TXLNB: variants seen among roughly 807,000 people sequenced by gnomAD.
TXLNB encodes beta-taxilin.
TXLNB carries 37 observed loss-of-function variants against 57.4 expected under a neutral mutation model. That is an observed-to-expected ratio of 0.64 (90% CI 0.50 to 0.85). TXLNB has a LOEUF of 0.85. Among genes scored for constraint, TXLNB ranks in the 40% least tolerant of loss-of-function variants. TXLNB has a pLI of 0.00. For missense variants in TXLNB, 848 were observed against 825.6 expected, an observed-to-expected ratio of 1.03 and a Z score of -0.33; for synonymous variants, 302 against 309.6, an observed-to-expected ratio of 0.98 and a Z score of 0.26.
the TXLNB span, among the ~76,000 whole-genome samples, chr6:139,315,830 T>C: frequency 6.6e-6 from 1 of 152,194 alleles, no homozygotes; most frequent in Admixed American, 6.5e-5. Flanking sequence ...TACTTTCTTA[T>C]AAATTTAGAA....
the TXLNB span, among the ~76,000 whole-genome samples, chr6:139,161,686 C>T: frequency 6.6e-6 from 1 of 152,192 alleles, no homozygotes. Flanking sequence ...TCAGTCTCAA[C>T]ATTTACAGTT....
chr6:139,195,365 T>C, the TXLNB span, among the ~76,000 whole-genome samples: 1 of 152,244 alleles, frequency 6.6e-6, no homozygotes, highest in South Asian at 2.1e-4. Context: ...TATTTTCACC[T>C]AGGCCCATGT....
intron 2 of TXLNB, among the ~76,000 whole-genome samples, chr6:139,277,548 T>G (rs568175007): frequency 4.6e-5 from 7 of 152,264 alleles, no homozygotes; most frequent in Admixed American, 1.3e-4. Context: ...TCCTACCAAA[T>G]AGAATAAAAT....
the TXLNB span, among the ~76,000 whole-genome samples, chr6:139,190,442 T>C: frequency 6.6e-6 from 1 of 151,742 alleles, no homozygotes; most frequent in African/African-American, 2.4e-5. Context: ...CCCAAGTAGC[T>C]GGGACTACAG....
chr6:139,232,793 A>G, the TXLNB span, among the ~76,000 whole-genome samples: 3 of 152,170 alleles, frequency 2.0e-5, no homozygotes, highest in African/African-American at 7.2e-5. Context: ...TCACTTCATA[A>G]ACAGTTTGAC....
the TXLNB span, among the ~76,000 whole-genome samples, chr6:139,161,507 GT>G: frequency 6.6e-6 from 1 of 152,182 alleles, no homozygotes; most frequent in African/African-American, 2.4e-5. Flanking sequence ...TGTGTTCCAT[GT>G]GTGCACTTCT....
chr6:139,196,595 C>T, the TXLNB span, among the ~76,000 whole-genome samples: 6 of 98,314 alleles, frequency 6.1e-5, no homozygotes, highest in East Asian at 5.8e-4. Flanking sequence ...AGGCTGGTCT[C>T]GAACTCCTGA....
chr6:139,230,107 C>T, the TXLNB span, among the ~76,000 whole-genome samples: 2 of 152,182 alleles, frequency 1.3e-5, no homozygotes, highest in African/African-American at 4.8e-5. Context: ...CTCTCCTTCT[C>T]CTTCCTCTTG....
At chr6:139,294,437 A>G (rs1280954039), upstream of TXLNB, among the ~76,000 whole-genome samples, 1 of 152,150 alleles carries the variant, frequency 6.6e-6, no homozygotes, top group Non-Finnish European at 1.5e-5. Flanking sequence ...GTGTCCCCCC[A>G]AAATTCATGT....
At chr6:139,231,667 A>T in the TXLNB span, among the ~76,000 whole-genome samples, 1 of 152,148 alleles carries the variant, frequency 6.6e-6, no homozygotes, top group Admixed American at 6.6e-5. Context: ...GGGAAACTTC[A>T]TAATCTCTTG....
At chr6:139,196,089 T>C in the TXLNB span, among the ~76,000 whole-genome samples, 1 of 152,104 alleles carries the variant, frequency 6.6e-6, no homozygotes, top group African/African-American at 2.4e-5. Flanking sequence ...GCAAATATTT[T>C]CTTTGGGGAG....
At chr6:139,228,208 C>A in the TXLNB span, among the ~76,000 whole-genome samples, 1 of 152,062 alleles carries the variant, frequency 6.6e-6, no homozygotes, top group Non-Finnish European at 1.5e-5. Flanking sequence ...AGCAACGCAA[C>A]CATACCCTCT....
chr6:139,265,038 A>T (rs1314906936), intron 4 of TXLNB, among the ~76,000 whole-genome samples: 1 of 152,256 alleles, frequency 6.6e-6, no homozygotes, highest in Admixed American at 6.5e-5. Flanking sequence ...GAAGTCTGAG[A>T]TAACAAAAAA....
the TXLNB span, among the ~76,000 whole-genome samples, chr6:139,160,889 A>T: frequency 6.6e-6 from 1 of 152,236 alleles, no homozygotes; most frequent in African/African-American, 2.4e-5. Context: ...TTTCATGTAC[A>T]TGAGCTGAAT....
At chr6:139,306,264 G>C in the TXLNB span, among the ~76,000 whole-genome samples, 1 of 152,194 alleles carries the variant, frequency 6.6e-6, no homozygotes, top group South Asian at 2.1e-4. Flanking sequence ...CTACTGAGCT[G>C]CTCCTATTTT....
the TXLNB span, among the ~76,000 whole-genome samples, chr6:139,220,304 C>T: frequency 3.3e-5 from 5 of 152,204 alleles, no homozygotes; most frequent in African/African-American, 4.8e-5. Context: ...TAAGCCACCC[C>T]GTCTATGGTA....
intron 2 of TXLNB, among the ~76,000 whole-genome samples, chr6:139,281,058 T>TTTA (rs1562287384): frequency 8.0e-5 from 12 of 150,104 alleles, no homozygotes; most frequent in African/African-American, 2.3e-4. Context: ...TTATTTATTT[T>TTTA]TTTATTTTTT....
intron 7 of TXLNB, chr6:139,251,368 T>C (rs1285109141): frequency 6.6e-6 from 1 of 152,220 alleles, no homozygotes; most frequent in East Asian, 1.9e-4. Flanking sequence ...CAGTCTAACA[T>C]TTTGCTTTTC....
chr6:139,283,530 C>T lies in TXLNB; in HGVS notation c.424+4946G>A, dbSNP rs982078659. 3.6e-5 allele frequency among the ~76,000 whole-genome samples: 5 copies of T among 139,446 alleles called. No homozygotes were observed. The East Asian group carries it at 6.2e-4, about 17-fold the overall frequency. 91.5% of individuals were successfully genotyped at this position (139,446 alleles called of 152,430 possible). On this transcript the variant is annotated intron_variant, in intron 2 of 9. Coordinates refer to ENST00000358430, the MANE Select transcript of TXLNB (RefSeq NM_153235.4). ...GGCGGAGGTTGTGGTGAGCCGAGAT[C>T]GCACCATTGCACTCCAGCCTGGGCA... is the stretch of plus-strand genomic sequence containing the variant.
Sources: gnomAD v4.1 joint callset for allele counts (sites outside exome capture counted in the v4.1 genomes callset) on GRCh38, gnomAD v4.1.1 for gene constraint, MANE v1.5 for transcripts, NCBI Gene and HGNC (gene_info 2026-07-23, HGNC 2026-07-21) for gene names.